Variants in ADAM10 observed in about 807,000 individuals in gnomAD.
The protein encoded by ADAM10 is ADAM metallopeptidase domain 10.
In ADAM10, 17 loss-of-function variants were observed where a neutral mutation model predicts 90.1. The observed-to-expected ratio is 0.19, with a 90% CI of 0.13 to 0.28. The LOEUF (loss-of-function observed/expected upper bound fraction) is 0.28. ADAM10 is among the 10% of genes least tolerant of loss of function. The probability of loss-of-function intolerance (pLI) is 1.00; values close to 1 mark genes in which losing one functional copy is unlikely to be tolerated. For synonymous variants in ADAM10, 310 were observed against 298.6 expected (o/e 1.04, Z -0.40); for missense variants, 610 against 914.3 (o/e 0.67, Z 4.29).
chr15:58,667,938 C>T (rs1897114733), intron 4 of ADAM10, among the ~76,000 whole-genome samples: 1 of 152,012 alleles, frequency 6.6e-6, no homozygotes, highest in African/African-American at 2.4e-5. Context: ...AAGAAAAGCA[C>T]AGAGTGATTG....
At chr15:58,696,837 T>C (rs1897993247) in intron 2 of ADAM10, among the ~76,000 whole-genome samples, 1 of 152,128 alleles carries the variant, frequency 6.6e-6, no homozygotes, top group South Asian at 2.1e-4. Flanking sequence ...ACGATGATAC[T>C]GCTCATGAAC....
At position 58,611,899 on chromosome 15, in the gene ADAM10, A is replaced by G; in HGVS notation, c.1604T>C (p.Ile535Thr). ...RDDSDCAREG[I>T]CNGFTALCPA... ...GCAGAGAGCTGTGAAGCCATTACAT[A>G]TTCCTTCCCTTGCACAGTCTGAATC... The change falls in exon 12 of 16, where the codon ATA becomes ACA. Residue 535 changes from isoleucine to threonine, a missense_variant. Around this residue, in one of 4 missense-constraint regions of ADAM10, gnomAD observed 53 missense variants for 62.0 expected, o/e 0.85. Transcript: ENST00000260408. 6.2e-7 allele frequency: 1 copy of G among 1,614,224 alleles called. No homozygotes were observed. Among genetic ancestry groups the G allele is most frequent in the African/African-American group, 1.3e-5 (1 of 75,062 alleles).
intron 4 of ADAM10, among the ~76,000 whole-genome samples, chr15:58,673,630 T>C (rs915098776): frequency 3.9e-4 from 60 of 152,122 alleles, no homozygotes; most frequent in African/African-American, 1.4e-3. Context: ...CCTATTTATA[T>C]AACGTTACGT....
chr15:58,688,565 G>C (rs1296974380), intron 2 of ADAM10, among the ~76,000 whole-genome samples: 1 of 151,492 alleles, frequency 6.6e-6, no homozygotes, highest in African/African-American at 2.4e-5. Flanking sequence ...TAGCAGACAA[G>C]GATTTAGTGA....
At chr15:58,611,602 A>G (rs1278824725) in intron 12 of ADAM10, 8 of 561,262 alleles carry the variant, frequency 1.4e-5, no homozygotes, top group Non-Finnish European at 2.5e-5. Context: ...TCTCTAGAGA[A>G]TATCAACCAC....
chr15:58,675,919 C>T (rs908350202), intron 4 of ADAM10, among the ~76,000 whole-genome samples: 3 of 152,176 alleles, frequency 2.0e-5, no homozygotes, highest in Admixed American at 6.5e-5. Context: ...ACATATACAA[C>T]GATACCAAAT....
At chr15:58,599,202 G>T (rs577663522) in intron 15 of ADAM10, among the ~76,000 whole-genome samples, 3 of 151,726 alleles carry the variant, frequency 2.0e-5, no homozygotes, top group Admixed American at 6.6e-5. Flanking sequence ...AGATGGAAGG[G>T]AAGGAAGGAG....
At chr15:58,597,731 T>A (rs1894996787) in intron 15 of ADAM10, 90 bp from the exon 16 acceptor site, 3 of 1,430,708 alleles carry the variant, frequency 2.1e-6, no homozygotes, top group African/African-American at 1.4e-5. Flanking sequence ...TAAGAAAGGT[T>A]TTAGTTCAGT....
rs1253599659 is a variant in ADAM10, at chr15:58,590,158, T to C, written c.*7389A>G. On this transcript the variant is annotated 3_prime_UTR_variant, in exon 16 of 16. Transcript: ENST00000260408. Reference sequence around the variant, plus strand: ...TTCATAAGGAATTCTCTGACCTTCCTGATGTCCCACCCTCCTTTCTCAGTC... The same window carrying C: ...TTCATAAGGAATTCTCTGACCTTCCCGATGTCCCACCCTCCTTTCTCAGTC... 1 of 152,202 alleles carries C rather than the reference T, an allele frequency of 6.6e-6. No homozygotes were observed. Among genetic ancestry groups the C allele is most frequent in the South Asian group, 2.1e-4 (1 of 4,828 alleles). 9.4% of individuals were successfully genotyped at this position (152,202 alleles called of 1,614,324 possible).
intron 2 of ADAM10, among the ~76,000 whole-genome samples, chr15:58,712,213 CG>C (rs1414998309): frequency 6.6e-6 from 1 of 151,928 alleles, no homozygotes; most frequent in African/African-American, 2.4e-5. Flanking sequence ...ACAAAAACCA[CG>C]TAAGAAAAAT....
intron 11 of ADAM10, 91 bp downstream of exon 11, chr15:58,621,380 T>C: frequency 1.4e-6 from 2 of 1,447,528 alleles, no homozygotes; most frequent in Non-Finnish European, 1.9e-6. Context: ...TTCAAAACCA[T>C]ATGCATCTCT....
intron 11 of ADAM10, among the ~76,000 whole-genome samples, chr15:58,616,413 CAG>C (rs1334463560): frequency 1.3e-5 from 2 of 152,156 alleles, no homozygotes; most frequent in Non-Finnish European, 2.9e-5. Flanking sequence ...TGTTCAAAAA[CAG>C]AGATCATATC....
intron 5 of ADAM10, among the ~76,000 whole-genome samples, chr15:58,652,210 G>A (rs1896705953): frequency 6.6e-6 from 1 of 152,072 alleles, no homozygotes. Context: ...TCCCCACTTT[G>A]TTAATCGTAT....
intron 2 of ADAM10, among the ~76,000 whole-genome samples, chr15:58,716,892 CAGAT>C (rs1309469326): frequency 2.6e-5 from 4 of 151,692 alleles, no homozygotes; most frequent in Admixed American, 6.6e-5. Context: ...GTGTCCCTAA[CAGAT>C]AGAGAAAAAA....
At chr15:58,660,337 G>A (rs1309915322) in intron 5 of ADAM10, among the ~76,000 whole-genome samples, 2 of 151,956 alleles carry the variant, frequency 1.3e-5, no homozygotes, top group African/African-American at 2.4e-5. Flanking sequence ...GGGCCTACAA[G>A]AGTGAACCAT....
rs1253148645 is a variant in ADAM10 at position 58,611,910 on chromosome 15, T to C, written c.1593A>G (p.Ala531=). The C allele has an allele frequency of 1.9e-6, 3 of 1,614,096 alleles. No homozygotes were observed. The highest frequency in any genetic ancestry group is 2.7e-5 in the African/African-American group (2 of 74,942). The change falls in exon 12 of 16, where the codon GCA becomes GCG. Residue 531 remains alanine, a synonymous_variant. Coordinates refer to ENST00000260408, the MANE Select transcript of ADAM10 (RefSeq NM_001110.4). The part of the protein sequence containing the change: ...SEKCRDDSDC[A]REGICNGFTA... Reference sequence around the variant, plus strand: ...TGAAGCCATTACATATTCCTTCCCTTGCACAGTCTGAATCATCCCGACACT... The same window carrying C: ...TGAAGCCATTACATATTCCTTCCCTCGCACAGTCTGAATCATCCCGACACT...
In ADAM10 at chr15:58,665,049, CA is replaced by C. The variant is rs756392871; in HGVS notation, c.585+47del. The C allele has an allele frequency of 4.4e-6, 6 of 1,351,890 alleles. No homozygotes were observed. In the East Asian group the frequency reaches 1.4e-4, roughly 31 times the overall value. The allele number at this position is 1,351,890 out of a possible 1,614,324, so 83.7% of individuals were successfully genotyped here. ...TATTTTAAATGTAGATATACATCCT[CA>C]AATTCATTTCCATTTCCTAAATGCA... On this transcript the variant is annotated intron_variant, in intron 5 of 15. Coordinates refer to ENST00000260408, the MANE Select transcript of ADAM10 (RefSeq NM_001110.4).
intron 1 of ADAM10, among the ~76,000 whole-genome samples, chr15:58,738,174 A>G (rs1899491540): frequency 6.6e-6 from 1 of 152,238 alleles, no homozygotes; most frequent in Admixed American, 6.5e-5. Flanking sequence ...TGAGGTACCA[A>G]CAGCATTTTT....
At chr15:58,693,926 G>A (rs561552948) in intron 2 of ADAM10, among the ~76,000 whole-genome samples, 3 of 152,218 alleles carry the variant, frequency 2.0e-5, no homozygotes, top group Admixed American at 2.0e-4. Flanking sequence ...ACTTCACAAA[G>A]AAGATACACA....
Sources: allele counts gnomAD v4.1 joint callset (sites outside exome capture counted in the v4.1 genomes callset), GRCh38; gene constraint gnomAD v4.1.1; regional missense constraint gnomAD v4.1.1; transcripts MANE v1.5; gene names NCBI Gene and HGNC (gene_info 2026-07-23, HGNC 2026-07-21).